Variants in MALRD1 observed in about 807,000 individuals in gnomAD.
MALRD1 encodes MAM and LDL receptor class A domain containing 1.
MALRD1 carries 247 observed loss-of-function variants against 242.1 expected under a neutral mutation model. The observed-to-expected ratio is 1.02, with a 90% CI of 0.92 to 1.13. The LOEUF (loss-of-function observed/expected upper bound fraction) is 1.13. Ranked by LOEUF, MALRD1 falls within the 50% of genes most tolerant of loss-of-function variation. The probability of loss-of-function intolerance (pLI) is 0.00; values close to 1 mark genes in which losing one functional copy is unlikely to be tolerated. For synonymous variants in MALRD1, 995 were observed against 866.6 expected, an observed-to-expected ratio of 1.15 and a Z score of -2.60; for missense variants, 2,989 against 2,533.1, an observed-to-expected ratio of 1.18 and a Z score of -3.86.
intron 14 of MALRD1, among the ~76,000 whole-genome samples, chr10:19,197,584 T>A (rs536704083): frequency 6.6e-6 from 1 of 152,314 alleles, no homozygotes; most frequent in Admixed American, 6.5e-5. Flanking sequence ...TCCCTGTGAT[T>A]CCCTCAGTGG....
intron 28 of MALRD1, among the ~76,000 whole-genome samples, chr10:19,442,757 C>A (rs1834738534): frequency 6.6e-6 from 1 of 152,136 alleles, no homozygotes; most frequent in African/African-American, 2.4e-5. Context: ...CGAGGTTCAT[C>A]AGAGATATTT....
At chr10:19,553,207 A>C (rs551711176) in intron 32 of MALRD1, among the ~76,000 whole-genome samples, 1 of 152,278 alleles carries the variant, frequency 6.6e-6, no homozygotes, top group Admixed American at 6.5e-5. Flanking sequence ...AACTAAAAAA[A>C]TAAACAATTG....
intron 19 of MALRD1, among the ~76,000 whole-genome samples, chr10:19,260,596 AAG>A (rs1839703327): frequency 6.6e-6 from 1 of 152,138 alleles, no homozygotes; most frequent in Non-Finnish European, 1.5e-5. Context: ...CTTTACAAGA[AAG>A]AGAGGTGATG....
At chr10:19,388,718 G>A (rs1401099083) in intron 27 of MALRD1, among the ~76,000 whole-genome samples, 1 of 152,022 alleles carries the variant, frequency 6.6e-6, no homozygotes, top group Non-Finnish European at 1.5e-5. Flanking sequence ...AAGGAATAAA[G>A]GACAGTAGCA....
At chr10:19,298,701 C>T (rs1173428932) in intron 21 of MALRD1, among the ~76,000 whole-genome samples, 5 of 148,690 alleles carry the variant, frequency 3.4e-5, no homozygotes, top group African/African-American at 4.9e-5. Context: ...AGGTACTCAG[C>T]ACCTTAAGAT....
chr10:19,668,302 G>A (rs1288121705), intron 36 of MALRD1, among the ~76,000 whole-genome samples: 1 of 152,148 alleles, frequency 6.6e-6, no homozygotes, highest in Non-Finnish European at 1.5e-5. Flanking sequence ...AAAGATGGAA[G>A]TATTTCTCAA....
intron 29 of MALRD1, among the ~76,000 whole-genome samples, chr10:19,469,468 C>T (rs1273176677): frequency 6.6e-6 from 1 of 152,046 alleles, no homozygotes; most frequent in Non-Finnish European, 1.5e-5. Context: ...TATGCTTGCT[C>T]TTTTCTGAGC....
At chr10:19,225,918 A>T (rs72788006) in intron 18 of MALRD1, among the ~76,000 whole-genome samples, 31,375 of 151,984 alleles carry the variant, frequency 0.21, 3,487 homozygotes, top group East Asian at 0.35. Flanking sequence ...GGAATCTCTG[A>T]TATCTCTGCT....
chr10:19,549,498 C>T (rs774744454), intron 32 of MALRD1, among the ~76,000 whole-genome samples: 9 of 152,104 alleles, frequency 5.9e-5, no homozygotes, highest in Non-Finnish European at 1.2e-4. Context: ...TAAAGTAAGA[C>T]CCTTCACCAG....
chr10:19,434,548 A>G (rs1834273164), intron 28 of MALRD1, among the ~76,000 whole-genome samples: 1 of 151,954 alleles, frequency 6.6e-6, no homozygotes, highest in Non-Finnish European at 1.5e-5. Flanking sequence ...AATTTTTTCC[A>G]AATTTTAATA....
chr10:19,694,112 C>T (rs530906061), intron 38 of MALRD1, among the ~76,000 whole-genome samples: 65 of 152,286 alleles, frequency 4.3e-4, no homozygotes, highest in African/African-American at 1.4e-3. Flanking sequence ...AGACCTAAAA[C>T]CATAAAAACC....
chr10:19,062,936 A>T (rs1834864681), intron 1 of MALRD1, among the ~76,000 whole-genome samples: 1 of 152,154 alleles, frequency 6.6e-6, no homozygotes, highest in African/African-American at 2.4e-5. Flanking sequence ...GCTTGAACCC[A>T]GAAGTTCAAG....
intron 31 of MALRD1, among the ~76,000 whole-genome samples, chr10:19,530,956 T>G (rs975628437): frequency 1.3e-5 from 2 of 152,166 alleles, no homozygotes; most frequent in African/African-American, 4.8e-5. Flanking sequence ...AAACCAATAT[T>G]TGATTACTTT....
chr10:19,274,659 G>T (rs1436154005), intron 19 of MALRD1, among the ~76,000 whole-genome samples: 1 of 152,180 alleles, frequency 6.6e-6, no homozygotes, highest in East Asian at 1.9e-4. Flanking sequence ...TGTTATAGCA[G>T]CCTGAACTGA....
chr10:19,127,265 G>T (rs968835748), intron 7 of MALRD1, among the ~76,000 whole-genome samples: 23 of 152,144 alleles, frequency 1.5e-4, no homozygotes, highest in African/African-American at 5.6e-4. Context: ...TTTTCAAACT[G>T]CTTTTTGCCT....
chr10:19,519,526 C>T (rs894120639), intron 31 of MALRD1, among the ~76,000 whole-genome samples: 4 of 152,080 alleles, frequency 2.6e-5, no homozygotes, highest in Non-Finnish European at 5.9e-5. Flanking sequence ...CTTTGGCAGG[C>T]CGTCGCAGGA....
At chr10:19,483,989 G>C (rs1031559351) in intron 29 of MALRD1, among the ~76,000 whole-genome samples, 1 of 152,148 alleles carries the variant, frequency 6.6e-6, no homozygotes, top group African/African-American at 2.4e-5. Context: ...GGATGTAGCT[G>C]AAGGCCATTA....
chr10:19,673,207 C>A (rs12357862), intron 36 of MALRD1, among the ~76,000 whole-genome samples: 7 of 151,782 alleles, frequency 4.6e-5, no homozygotes, highest in Admixed American at 6.6e-5. Flanking sequence ...ATGGTGAAAC[C>A]CCATCTCTAC....
At chr10:19,318,589 T>C (rs1181955164) in intron 21 of MALRD1, among the ~76,000 whole-genome samples, 1 of 151,582 alleles carries the variant, frequency 6.6e-6, no homozygotes, top group Non-Finnish European at 1.5e-5. Flanking sequence ...ACCAGTGACA[T>C]ATGCTTTTAT....
Sources: allele counts gnomAD v4.1 joint callset (sites outside exome capture counted in the v4.1 genomes callset), GRCh38; gene constraint gnomAD v4.1.1; transcripts MANE v1.5; gene names NCBI Gene and HGNC (gene_info 2026-07-23, HGNC 2026-07-21).